PDGFRL: variants seen among roughly 807,000 people sequenced by gnomAD.
PDGFRL encodes platelet derived growth factor receptor like, also known as platelet-derived growth factor receptor-like protein.
A neutral mutation model predicts 37.2 loss-of-function variants in PDGFRL; 46 were observed. The ratio of observed to expected loss-of-function variants is 1.24; its 90% CI spans 0.98 to 1.58. PDGFRL has a LOEUF of 1.58. Ranked by LOEUF, PDGFRL falls within the 40% of genes most tolerant of loss-of-function variation. PDGFRL has a pLI of 0.00. For missense variants in PDGFRL, 692 were observed against 467.6 expected (o/e 1.48, Z -4.43); for synonymous variants, 251 against 184.3 (o/e 1.36, Z -2.93).
At chr8:17,585,045 C>T (rs1315742496) in intron 1 of PDGFRL, among the ~76,000 whole-genome samples, 2 of 152,040 alleles carry the variant, frequency 1.3e-5, no homozygotes, top group Admixed American at 1.3e-4. Flanking sequence ...CTTTTTAGAC[C>T]ATATAGGATG....
chr8:17,588,034 G>A (rs1803854049), intron 1 of PDGFRL, among the ~76,000 whole-genome samples: 1 of 152,072 alleles, frequency 6.6e-6, no homozygotes, highest in African/African-American at 2.4e-5. Context: ...AGAACAGTGG[G>A]GGCACTCTTC....
chr8:17,598,946 G>A (rs540280383), intron 2 of PDGFRL, among the ~76,000 whole-genome samples: 8 of 152,144 alleles, frequency 5.3e-5, no homozygotes, highest in Non-Finnish European at 1.2e-4. Context: ...CCCCAGCCAC[G>A]TGGAACTGTG....
intron 2 of PDGFRL, among the ~76,000 whole-genome samples, chr8:17,597,044 A>G (rs928340263): frequency 2.0e-5 from 3 of 151,862 alleles, no homozygotes; most frequent in African/African-American, 7.3e-5. Context: ...GTTTTTTGGC[A>G]AAGTCTTGCT....
intron 2 of PDGFRL, among the ~76,000 whole-genome samples, chr8:17,597,463 G>A (rs544677086): frequency 2.6e-5 from 4 of 152,272 alleles, no homozygotes; most frequent in Admixed American, 1.3e-4. Flanking sequence ...GGCCAACAGA[G>A]AGAGCAATTA....
intron 2 of PDGFRL, among the ~76,000 whole-genome samples, chr8:17,595,775 C>T (rs2517158): frequency 0.11 from 16,420 of 152,216 alleles, 941 homozygotes; most frequent in African/African-American, 0.12. Flanking sequence ...GAGGAGTTGG[C>T]GTCCACCTGG....
Position 17,641,008 on chromosome 8 carries a change from G to T in PDGFRL, c.940-1605G>T, listed in dbSNP as rs889636306. Among the ~76,000 whole-genome samples the T allele has an allele frequency of 3.3e-5, 5 of 152,042 alleles. No homozygotes were observed. In the South Asian group the frequency reaches 1.0e-3, roughly 32 times the overall value. On this transcript the variant is annotated intron_variant, in intron 5 of 5. Coordinates refer to ENST00000251630, the MANE Select transcript of PDGFRL (RefSeq NM_001372073.1). ...GCCAATGGGGTTATGTTCCTCAGGG[G>T]ATTATGGCTGCTCTGCTGTGTCATG...
chr8:17,594,129 T>TG (rs1413964196), intron 2 of PDGFRL, among the ~76,000 whole-genome samples: 1 of 152,016 alleles, frequency 6.6e-6, no homozygotes, highest in Non-Finnish European at 1.5e-5. Context: ...ATTTGTTTTT[T>TG]TTGTTACTGA....
At chr8:17,615,667 G>A (rs1563520762) in intron 2 of PDGFRL, among the ~76,000 whole-genome samples, 1 of 152,194 alleles carries the variant, frequency 6.6e-6, no homozygotes, top group South Asian at 2.1e-4. Flanking sequence ...TGTAATCCCA[G>A]CACTTGGGGA....
intron 4 of PDGFRL, among the ~76,000 whole-genome samples, chr8:17,632,702 C>T (rs539689087): frequency 1.2e-4 from 18 of 152,278 alleles, no homozygotes; most frequent in Admixed American, 2.6e-4. Context: ...AAATCCTTTG[C>T]GTGGCCTGAA....
chr8:17,580,970 T>A (rs1464784697), intron 1 of PDGFRL, among the ~76,000 whole-genome samples: 1 of 152,064 alleles, frequency 6.6e-6, no homozygotes, highest in Non-Finnish European at 1.5e-5. Context: ...TGTGTGTGTG[T>A]GTGTCTCCTC....
chr8:17,578,632 C>T (rs541842295), intron 1 of PDGFRL, among the ~76,000 whole-genome samples: 8 of 152,258 alleles, frequency 5.3e-5, no homozygotes, highest in Admixed American at 1.3e-4. Context: ...AGGAGATGGC[C>T]AGGCAAAATA....
chr8:17,606,388 G>C (rs1187192940), intron 2 of PDGFRL, among the ~76,000 whole-genome samples: 2 of 152,098 alleles, frequency 1.3e-5, no homozygotes, highest in African/African-American at 2.4e-5. Flanking sequence ...CTCTCACTTT[G>C]CCTTCATTCT....
Position 17,589,658 on chromosome 8 carries a change from T to A in PDGFRL, c.246T>A (p.Ala82=). Residue 82 remains alanine (A), a synonymous_variant, in exon 2 of 6, where the codon GCT becomes GCA. Coordinates refer to ENST00000251630, the MANE Select transcript of PDGFRL (RefSeq NM_001372073.1). The part of the protein sequence containing the change: ...LDKGRFQKPA[A]TLSLLAGQTV... ...AAGGTCGCTTCCAGAAACCCGCCGCTACCCTGAGTCTGCTGGCGGGGCAAA... is the reference window on the plus strand; with the variant it reads ...AAGGTCGCTTCCAGAAACCCGCCGCAACCCTGAGTCTGCTGGCGGGGCAAA... The A allele has an allele frequency of 6.2e-7, 1 of 1,613,038 alleles. No homozygotes were observed. The highest frequency in any genetic ancestry group is 8.5e-7 in the Non-Finnish European group (1 of 1,179,028).
At chr8:17,582,766 G>C (rs1232836774) in intron 1 of PDGFRL, among the ~76,000 whole-genome samples, 1 of 152,148 alleles carries the variant, frequency 6.6e-6, no homozygotes, top group East Asian at 1.9e-4. Flanking sequence ...TTGAGAGACT[G>C]CTTGAATCAT....
In PDGFRL at chr8:17,592,944, ACACACACT is replaced by A. The variant is rs1253878092; in HGVS notation, c.353+3180_353+3187del. Among the ~76,000 whole-genome samples the A allele has an allele frequency of 3.0e-5, 4 of 134,074 alleles. No homozygotes were observed. The South Asian group carries it at 9.3e-4, about 31-fold the overall frequency. The allele number at this position is 134,074 out of a possible 152,430, so 88.0% of individuals were successfully genotyped here. A position where few individuals can be genotyped will look rare whatever the true frequency, so the allele number is the denominator to read the frequency against. On this transcript the variant is annotated intron_variant, in intron 2 of 5. Transcript: ENST00000251630. The stretch of plus-strand genomic sequence containing the variant: ...CACACACACACACACACACACACAC[ACACACACT>A]ACTCTACACACACACCTTGAGAGTA...
intron 2 of PDGFRL, among the ~76,000 whole-genome samples, chr8:17,593,693 G>A (rs1221049368): frequency 1.3e-5 from 2 of 151,894 alleles, no homozygotes; most frequent in Middle Eastern, 3.4e-3. Flanking sequence ...TCAGGAGTTC[G>A]AGACCAGCCT....
intron 5 of PDGFRL, among the ~76,000 whole-genome samples, chr8:17,635,970 T>C (rs1804963080): frequency 6.6e-6 from 1 of 152,234 alleles, no homozygotes; most frequent in South Asian, 2.1e-4. Flanking sequence ...ATGGGATTGT[T>C]ATTTTCTTGC....
intron 2 of PDGFRL, chr8:17,596,349 C>T: frequency 8.1e-7 from 1 of 1,239,286 alleles, no homozygotes; most frequent in Non-Finnish European, 1.0e-6. Flanking sequence ...TGGGAAGAAG[C>T]CAACGCGCCC....
intron 2 of PDGFRL, among the ~76,000 whole-genome samples, chr8:17,609,209 T>C (rs1804351276): frequency 6.7e-6 from 1 of 149,510 alleles, no homozygotes; most frequent in African/African-American, 2.5e-5. Context: ...CAAATAGTGA[T>C]AATAAAATAG....
Sources: gnomAD v4.1 joint callset for allele counts (sites outside exome capture counted in the v4.1 genomes callset) on GRCh38, gnomAD v4.1.1 for gene constraint, MANE v1.5 for transcripts, NCBI Gene and HGNC (gene_info 2026-07-23, HGNC 2026-07-21) for gene names.